The following IKZF1 variants were observed in gnomAD, a reference collection of about 807,000 sequenced individuals.
IKZF1 encodes the protein DNA-binding protein Ikaros.
Under a neutral mutation model 51.7 loss-of-function variants are expected in IKZF1, and 10 were observed. The observed-to-expected ratio is 0.19, with a 90% confidence interval of 0.12 to 0.33. IKZF1 has a LOEUF of 0.33. IKZF1 is among the 10% of genes least tolerant of loss of function. The pLI is 1.00. For synonymous variants in IKZF1, 280 were observed against 282.3 expected (o/e 0.99, Z 0.08); for missense variants, 484 against 707.5 (o/e 0.68, Z 3.58).
chr7:50,321,803 A>G (rs1260161650), intron 2 of IKZF1, among the ~76,000 whole-genome samples: 5 of 152,312 alleles, frequency 3.3e-5, no homozygotes, highest in Admixed American at 2.0e-4. Flanking sequence ...TGTCTTTACC[A>G]TAATACAAAA....
At chr7:50,399,377 C>T (rs1053305380) in intron 7 of IKZF1, among the ~76,000 whole-genome samples, 4 of 151,564 alleles carry the variant, frequency 2.6e-5, no homozygotes, top group Non-Finnish European at 5.9e-5. Flanking sequence ...TTAAATTTTA[C>T]ACTAGATTAT....
intron 3 of IKZF1, among the ~76,000 whole-genome samples, chr7:50,350,499 T>C (rs566202597): frequency 6.6e-6 from 1 of 152,330 alleles, no homozygotes; most frequent in Admixed American, 6.5e-5. Flanking sequence ...GAGAGTTTGC[T>C]GCAGGTGACT....
intron 3 of IKZF1, among the ~76,000 whole-genome samples, chr7:50,352,107 A>G (rs1239102664): frequency 6.6e-6 from 1 of 152,202 alleles, no homozygotes; most frequent in Non-Finnish European, 1.5e-5. Flanking sequence ...ATTGACTTCT[A>G]CAGTTTCCAC....
In IKZF1 at chr7:50,383,939, A is replaced by G. The variant is rs1179685793; in HGVS notation, c.589+1232A>G. On this transcript the variant is annotated intron_variant, in intron 5 of 7. Transcript: ENST00000331340. ...GTGTCCATCTCTTTATCACACATTT[A>G]CTGAGCACCCCTGGGTGCCCATTCT... Among the ~76,000 whole-genome samples, 5 of 152,374 alleles carry G rather than the reference A, an allele frequency of 3.3e-5. No individual in the cohort carries two copies. The South Asian group carries it at 8.3e-4, about 25-fold the overall frequency.
At chr7:50,308,134 T>C (rs1361286853) in intron 1 of IKZF1, among the ~76,000 whole-genome samples, 1 of 152,206 alleles carries the variant, frequency 6.6e-6, no homozygotes, top group Non-Finnish European at 1.5e-5. Flanking sequence ...TTTAAGACAT[T>C]ATGAAACCTT....
At chr7:50,305,340 G>C (rs865803993) in intron 1 of IKZF1, among the ~76,000 whole-genome samples, 7 of 152,136 alleles carry the variant, frequency 4.6e-5, no homozygotes, top group African/African-American at 1.7e-4. Context: ...CTGCAAGAGA[G>C]GAATTATCCC....
chr7:50,346,926 T>C (rs1209771010), intron 3 of IKZF1, among the ~76,000 whole-genome samples: 1 of 152,226 alleles, frequency 6.6e-6, no homozygotes, highest in Non-Finnish European at 1.5e-5. Flanking sequence ...TGTGCACATA[T>C]AAAATTGTGT....
At chr7:50,346,553 G>T (rs1402353090) in intron 3 of IKZF1, among the ~76,000 whole-genome samples, 1 of 152,176 alleles carries the variant, frequency 6.6e-6, no homozygotes, top group African/African-American at 2.4e-5. Flanking sequence ...CCTTTGCCTT[G>T]CTTTTTCTTG....
At chr7:50,323,845 C>A (rs1794094698) in intron 2 of IKZF1, among the ~76,000 whole-genome samples, 1 of 152,190 alleles carries the variant, frequency 6.6e-6, no homozygotes. Flanking sequence ...AATCCATGCA[C>A]ATTATTTTTA....
intron 3 of IKZF1, among the ~76,000 whole-genome samples, chr7:50,344,610 C>T (rs1004016334): frequency 2.6e-5 from 4 of 152,190 alleles, no homozygotes; most frequent in Non-Finnish European, 4.4e-5. Flanking sequence ...GTTATACTCC[C>T]GTTATTTTGT....
intron 3 of IKZF1, among the ~76,000 whole-genome samples, chr7:50,365,379 A>G (rs1321154638): frequency 6.6e-6 from 1 of 152,230 alleles, no homozygotes; most frequent in African/African-American, 2.4e-5. Flanking sequence ...TTTGTTTTTT[A>G]AACAATTTTG....
chr7:50,391,904 G>T (rs765951269), intron 7 of IKZF1, 41 bp downstream of exon 7: 1 of 1,580,482 alleles, frequency 6.3e-7, no homozygotes, highest in South Asian at 1.1e-5. Context: ...AAAAAACTAT[G>T]TGGGTGTTTT....
At chr7:50,382,035 T>C (rs1188022121) in intron 4 of IKZF1, among the ~76,000 whole-genome samples, 3 of 152,236 alleles carry the variant, frequency 2.0e-5, no homozygotes, top group Non-Finnish European at 2.9e-5. Flanking sequence ...TTATTATAAC[T>C]GTTATAATGA....
intron 1 of IKZF1, among the ~76,000 whole-genome samples, chr7:50,313,859 A>G (rs929477871): frequency 1.3e-5 from 2 of 152,246 alleles, no homozygotes; most frequent in African/African-American, 2.4e-5. Flanking sequence ...GACAACACCC[A>G]TGGTCTTATG....
chr7:50,372,730 C>T (rs1809089989), intron 3 of IKZF1, among the ~76,000 whole-genome samples: 1 of 152,180 alleles, frequency 6.6e-6, no homozygotes, highest in Admixed American at 6.5e-5. Context: ...TATATATGTC[C>T]CTACATCTAG....
At chr7:50,327,105 T>C (rs1795222377) in intron 2 of IKZF1, among the ~76,000 whole-genome samples, 1 of 152,216 alleles carries the variant, frequency 6.6e-6, no homozygotes, top group East Asian at 1.9e-4. Flanking sequence ...ATAAAATGTC[T>C]AGATATTTAT....
chr7:50,360,912 G>A (rs944517296), intron 3 of IKZF1, among the ~76,000 whole-genome samples: 5 of 152,316 alleles, frequency 3.3e-5, no homozygotes, highest in Admixed American at 3.3e-4. Context: ...CCTCCTGCCC[G>A]CCGTGTGACC....
At chr7:50,346,977 G>C (rs1800538422) in intron 3 of IKZF1, among the ~76,000 whole-genome samples, 1 of 152,156 alleles carries the variant, frequency 6.6e-6, no homozygotes, top group Non-Finnish European at 1.5e-5. Context: ...TGTCAACTGA[G>C]AACTCATGAG....
At chr7:50,354,226 G>A (rs1051220688) in intron 3 of IKZF1, among the ~76,000 whole-genome samples, 2 of 152,210 alleles carry the variant, frequency 1.3e-5, no homozygotes, top group African/African-American at 4.8e-5. Flanking sequence ...GTTCATGAAC[G>A]GTGATCCTGG....
Sources: allele counts gnomAD v4.1 joint callset (sites outside exome capture counted in the v4.1 genomes callset), GRCh38; gene constraint gnomAD v4.1.1; transcripts MANE v1.5; gene names NCBI Gene and HGNC (gene_info 2026-07-23, HGNC 2026-07-21).